The following LARGE1 variants were observed in gnomAD, a reference collection of about 807,000 sequenced individuals.
LARGE1 encodes the protein LARGE xylosyl- and glucuronyltransferase 1, also known as xylosyl- and glucuronyltransferase LARGE1.
A neutral mutation model predicts 87.6 loss-of-function variants in LARGE1; 43 were observed. That is an observed-to-expected ratio of 0.49 (90% CI 0.38 to 0.63). The LOEUF is 0.63. LARGE1 is among the 30% of genes least tolerant of loss of function. The probability of loss-of-function intolerance (pLI) is 0.00; values close to 1 mark genes in which losing one functional copy is unlikely to be tolerated. For missense variants in LARGE1, 802 were observed against 1,000.2 expected (o/e 0.80, Z 2.67); for synonymous variants, 434 against 394.6 (o/e 1.10, Z -1.18).
At chr22:33,803,933 C>T (rs368665662) in intron 1 of LARGE1, among the ~76,000 whole-genome samples, 6 of 152,294 alleles carry the variant, frequency 3.9e-5, no homozygotes, top group African/African-American at 1.4e-4. Context: ...ATGATGGGAA[C>T]CCTCCTAAAA....
At chr22:33,248,788 T>G (rs760666913) in intron 11 of LARGE1, among the ~76,000 whole-genome samples, 1 of 152,236 alleles carries the variant, frequency 6.6e-6, no homozygotes, top group South Asian at 2.1e-4. Context: ...GAATGCCATA[T>G]AGTTGGAATC....
At chr22:33,318,407 A>T (rs1936390417) in intron 10 of LARGE1, among the ~76,000 whole-genome samples, 1 of 152,194 alleles carries the variant, frequency 6.6e-6, no homozygotes, top group Non-Finnish European at 1.5e-5. Flanking sequence ...GATGGTTTCC[A>T]GCTTCACCCA....
intron 12 of LARGE1, among the ~76,000 whole-genome samples, chr22:33,291,819 G>T (rs750341769): frequency 1.3e-5 from 2 of 151,948 alleles, no homozygotes; most frequent in Non-Finnish European, 2.9e-5. Flanking sequence ...GGGGCCGGGC[G>T]TGGTGGCTCA....
At chr22:33,094,322 G>T in the LARGE1 span, among the ~76,000 whole-genome samples, 41 of 152,144 alleles carry the variant, frequency 2.7e-4, no homozygotes, top group South Asian at 3.3e-3. Flanking sequence ...ACGGACCGTT[G>T]CACTAAGTGA....
chr22:33,649,195 T>G (rs1314876264), intron 3 of LARGE1, among the ~76,000 whole-genome samples: 2 of 152,212 alleles, frequency 1.3e-5, no homozygotes, highest in Admixed American at 6.5e-5. Context: ...TCAGGGGCTC[T>G]CCTTGTCCTC....
chr22:33,731,215 C>G (rs867304361), intron 2 of LARGE1, among the ~76,000 whole-genome samples: 5 of 151,700 alleles, frequency 3.3e-5, no homozygotes, highest in Admixed American at 1.3e-4. Flanking sequence ...ATGTTAGCCA[C>G]GATGGTCTCG....
At chr22:33,428,925 G>A (rs1296023036) in intron 7 of LARGE1, among the ~76,000 whole-genome samples, 1 of 94,152 alleles carries the variant, frequency 1.1e-5, no homozygotes, top group African/African-American at 4.2e-5. Context: ...GCGAGACTCT[G>A]TCTCAAAAAA....
intron 1 of LARGE1, among the ~76,000 whole-genome samples, chr22:33,911,123 A>T (rs1415588085): frequency 6.6e-6 from 1 of 152,216 alleles, no homozygotes; most frequent in Non-Finnish European, 1.5e-5. Context: ...GAAACACTGG[A>T]AGAACGTGCT....
intron 11 of LARGE1, among the ~76,000 whole-genome samples, chr22:33,260,479 C>G (rs868558386): frequency 1.3e-5 from 2 of 152,186 alleles, no homozygotes; most frequent in African/African-American, 4.8e-5. Context: ...CCTTTCCAAC[C>G]GCTGGGCTGT....
the LARGE1 span, among the ~76,000 whole-genome samples, chr22:33,073,781 G>A: frequency 2.0e-4 from 31 of 152,158 alleles, no homozygotes; most frequent in Non-Finnish European, 8.8e-5. Context: ...TAATACGAGT[G>A]AGGTAAAGGA....
intron 6 of LARGE1, among the ~76,000 whole-genome samples, chr22:33,474,755 A>G (rs1167773930): frequency 6.6e-6 from 1 of 152,168 alleles, no homozygotes; most frequent in Non-Finnish European, 1.5e-5. Flanking sequence ...GAAACCAACC[A>G]CAGCTTACAG....
chr22:33,328,533 TGTGC>T (rs1391640519), intron 10 of LARGE1, among the ~76,000 whole-genome samples: 1 of 151,746 alleles, frequency 6.6e-6, no homozygotes, highest in African/African-American at 2.4e-5. Flanking sequence ...GAGCCGACAT[TGTGC>T]CACTGCACTC....
chr22:33,537,516 G>A, intron 6 of LARGE1, among the ~76,000 whole-genome samples: 1 of 152,126 alleles, frequency 6.6e-6, no homozygotes, highest in East Asian at 1.9e-4. Flanking sequence ...TCCATCTCAA[G>A]ACCATTAACT....
Position 33,449,753 on chromosome 22 carries a change from C to A in LARGE1, c.788-17488G>T, listed in dbSNP as rs918618276. On this transcript the variant is annotated intron_variant, in intron 6 of 14. Coordinates refer to ENST00000397394, the MANE Select transcript of LARGE1 (RefSeq NM_133642.5). ...AATTGCCAGTCTTTTGCCAAGGAAA[C>A]AATATGCTGGCCAAGCCAGCCCACT... Among the ~76,000 whole-genome samples, 6 of 152,212 alleles carry A rather than the reference C, an allele frequency of 3.9e-5. No individual in the cohort carries two copies. The East Asian group carries it at 1.2e-3, about 29-fold the overall frequency.
chr22:33,347,779 G>T (rs943691024), intron 9 of LARGE1, among the ~76,000 whole-genome samples: 9 of 152,196 alleles, frequency 5.9e-5, no homozygotes, highest in African/African-American at 2.2e-4. Context: ...CTCATCTGTA[G>T]AAGGGGTGTT....
intron 2 of LARGE1, among the ~76,000 whole-genome samples, chr22:33,672,970 T>C (rs568297511): frequency 1.2e-4 from 18 of 152,154 alleles, no homozygotes; most frequent in Middle Eastern, 3.4e-3. Flanking sequence ...CTCTGAGAGA[T>C]TGTTATCAAG....
chr22:33,850,247 G>A (rs888312193), intron 1 of LARGE1, among the ~76,000 whole-genome samples: 1 of 152,124 alleles, frequency 6.6e-6, no homozygotes, highest in Non-Finnish European at 1.5e-5. Context: ...TTCAAACAGG[G>A]ATTTCACCTC....
At chr22:33,558,073 T>A (rs2077747097) in intron 6 of LARGE1, among the ~76,000 whole-genome samples, 1 of 152,142 alleles carries the variant, frequency 6.6e-6, no homozygotes, top group Admixed American at 6.5e-5. Flanking sequence ...TCTTTTAAAA[T>A]TTATGTTTTT....
intron 1 of LARGE1, among the ~76,000 whole-genome samples, chr22:33,864,994 T>C (rs1006643254): frequency 3.3e-5 from 5 of 152,214 alleles, no homozygotes; most frequent in African/African-American, 1.2e-4. Context: ...TGGTTCGCAG[T>C]TTCTGAAAGA....
Sources: gnomAD v4.1 joint callset for allele counts (sites outside exome capture counted in the v4.1 genomes callset) on GRCh38, gnomAD v4.1.1 for gene constraint, MANE v1.5 for transcripts, NCBI Gene and HGNC (gene_info 2026-07-23, HGNC 2026-07-21) for gene names.